Variants in TET3 observed in about 807,000 individuals in gnomAD.
TET3 encodes the protein methylcytosine dioxygenase TET3.
TET3 carries 19 observed loss-of-function variants against 141.4 expected under a neutral mutation model. The observed-to-expected ratio is 0.13, with a 90% CI of 0.09 to 0.20. The LOEUF (loss-of-function observed/expected upper bound fraction) is 0.20. TET3 is among the 10% of genes least tolerant of loss of function. TET3 has a pLI of 1.00. For synonymous variants in TET3, 1,043 were observed against 980.9 expected, an observed-to-expected ratio of 1.06 and a Z score of -1.18; for missense variants, 1,874 against 2,356.9, an observed-to-expected ratio of 0.80 and a Z score of 4.24.
chr2:74,134,269 C>G, the TET3 span, among the ~76,000 whole-genome samples: 1 of 152,186 alleles, frequency 6.6e-6, no homozygotes, highest in Non-Finnish European at 1.5e-5. Flanking sequence ...GGCCTTCAGG[C>G]ACAGTTCTCT....
At chr2:74,079,009 T>A (rs1308025141) in intron 5 of TET3, among the ~76,000 whole-genome samples, 2 of 152,212 alleles carry the variant, frequency 1.3e-5, no homozygotes, top group Non-Finnish European at 2.9e-5. Context: ...TTGGAAACAT[T>A]TTCAGTAAAG....
At chr2:74,055,241 A>G (rs184639950) in intron 4 of TET3, among the ~76,000 whole-genome samples, 14 of 152,268 alleles carry the variant, frequency 9.2e-5, no homozygotes, top group Admixed American at 3.3e-4. Context: ...TGCTAAGCCT[A>G]TGGCAAGTAC....
rs184132409 is a variant in TET3, at chr2:74,050,864, A to G, written c.2494+2453A>G. On this transcript the variant is annotated intron_variant, in intron 4 of 11. Transcript: ENST00000409262. ...ACTGCACCCAGCCTATGGTTTACTT[A>G]AGGAAAAAAAAAAACAACAATAAAA... 3.4e-3 allele frequency among the ~76,000 whole-genome samples: 518 copies of G among 151,374 alleles called. 2 individuals carry two copies. The highest frequency in any genetic ancestry group is 0.012 in the African/African-American group (505 of 41,408).
At chr2:74,020,757 G>C (rs1374567318) in intron 3 of TET3, among the ~76,000 whole-genome samples, 1 of 152,194 alleles carries the variant, frequency 6.6e-6, no homozygotes, top group Admixed American at 6.5e-5. Flanking sequence ...TGTTAAGCAG[G>C]GGTCAGGATT....
intron 3 of TET3, among the ~76,000 whole-genome samples, chr2:74,023,916 T>G (rs186689255): frequency 1.3e-5 from 2 of 152,348 alleles, no homozygotes; most frequent in East Asian, 3.9e-4. Flanking sequence ...TACCACTACA[T>G]TTTGTTTTCT....
At chr2:74,011,726 A>C (rs1257184403) in intron 3 of TET3, among the ~76,000 whole-genome samples, 2 of 151,878 alleles carry the variant, frequency 1.3e-5, no homozygotes, top group Non-Finnish European at 2.9e-5. Context: ...AGTAATACAT[A>C]TTCTTTGGAA....
intron 4 of TET3, among the ~76,000 whole-genome samples, chr2:74,062,275 CA>C (rs1175758436): frequency 2.6e-5 from 4 of 152,210 alleles, no homozygotes; most frequent in Non-Finnish European, 5.9e-5. Context: ...TCCATAAAAA[CA>C]TTTTTAAATA....
intron 5 of TET3, among the ~76,000 whole-genome samples, chr2:74,075,014 G>A (rs1463433014): frequency 3.3e-5 from 5 of 152,208 alleles, no homozygotes; most frequent in Non-Finnish European, 7.4e-5. Flanking sequence ...GGGACTACAG[G>A]CGCCTGCCAC....
intron 3 of TET3, among the ~76,000 whole-genome samples, chr2:74,003,591 A>C (rs2105149003): frequency 6.8e-6 from 1 of 146,904 alleles, no homozygotes; most frequent in African/African-American, 2.5e-5. Context: ...AGGGAGGGAG[A>C]ATTGCGCTCC....
intron 4 of TET3, among the ~76,000 whole-genome samples, chr2:74,062,944 C>T (rs1046108977): frequency 7.2e-6 from 1 of 139,126 alleles, no homozygotes; most frequent in Non-Finnish European, 1.5e-5. Context: ...AGTGCAGTGG[C>T]GCGATCTCGT....
intron 3 of TET3, among the ~76,000 whole-genome samples, chr2:74,040,849 C>T (rs1448699096): frequency 1.3e-5 from 2 of 152,070 alleles, no homozygotes; most frequent in Admixed American, 1.3e-4. Flanking sequence ...AAGCCACGAT[C>T]GCGCAACTGC....
At chr2:74,061,245 G>A (rs1688524306) in intron 4 of TET3, among the ~76,000 whole-genome samples, 1 of 142,894 alleles carries the variant, frequency 7.0e-6, no homozygotes, top group Non-Finnish European at 1.5e-5. Flanking sequence ...GCGGGGGGCT[G>A]ACCCCCCCAC....
chr2:73,985,121 G>C lies in TET3; in HGVS notation c.-461G>C, dbSNP rs1212694047. On this transcript the variant is annotated 5_prime_UTR_variant, in exon 1 of 12. Transcript: ENST00000409262. ...GCGGCGGCGCGGGCCGGGAAACTTT[G>C]CCCCTTTGTGCGCTCCGCCCCGGAG... The C allele has an allele frequency of 6.8e-6, 1 of 146,416 alleles. No homozygotes were observed. Among genetic ancestry groups the C allele is most frequent in the Non-Finnish European group, 1.5e-5 (1 of 65,730 alleles). 9.1% of individuals were successfully genotyped at this position (146,416 alleles called of 1,614,324 possible).
intron 5 of TET3, among the ~76,000 whole-genome samples, chr2:74,075,564 G>T (rs1689458734): frequency 6.6e-6 from 1 of 151,744 alleles, no homozygotes; most frequent in African/African-American, 2.4e-5. Context: ...CCTGACCACA[G>T]GTGATCTGCC....
the TET3 span, among the ~76,000 whole-genome samples, chr2:74,128,889 G>A: frequency 1.3e-5 from 2 of 151,100 alleles, no homozygotes; most frequent in Middle Eastern, 3.4e-3. Flanking sequence ...CTACTTGGGA[G>A]GCTGAGGTGG....
intron 3 of TET3, among the ~76,000 whole-genome samples, chr2:74,010,672 C>T (rs1685383276): frequency 6.6e-6 from 1 of 152,244 alleles, no homozygotes; most frequent in South Asian, 2.1e-4. Flanking sequence ...AATGTGCAGT[C>T]AGAGTTGAAA....
At chr2:74,125,474 G>A in the TET3 span, among the ~76,000 whole-genome samples, 1 of 152,152 alleles carries the variant, frequency 6.6e-6, no homozygotes, top group East Asian at 1.9e-4. Context: ...AGTTTTTCAT[G>A]CTGAGATGAA....
chr2:74,091,835 G>A (rs1690513014), intron 8 of TET3, among the ~76,000 whole-genome samples: 1 of 152,206 alleles, frequency 6.6e-6, no homozygotes, highest in Admixed American at 6.5e-5. Context: ...GTGGATACCT[G>A]GAACTCTCTG....
At chr2:74,054,443 A>C (rs1337355488) in intron 4 of TET3, among the ~76,000 whole-genome samples, 2 of 152,198 alleles carry the variant, frequency 1.3e-5, no homozygotes, top group East Asian at 3.8e-4. Flanking sequence ...CCTTTCACCA[A>C]GGTTAGAAAT....
Sources: allele counts gnomAD v4.1 joint callset (sites outside exome capture counted in the v4.1 genomes callset), GRCh38; gene constraint gnomAD v4.1.1; transcripts MANE v1.5; gene names NCBI Gene and HGNC (gene_info 2026-07-23, HGNC 2026-07-21).